Variants in KANK1 observed in about 807,000 individuals in gnomAD.
The protein encoded by KANK1 is KN motif and ankyrin repeat domain-containing protein 1.
KANK1 carries 109 observed loss-of-function variants against 106.2 expected under a neutral mutation model. That is an observed-to-expected ratio of 1.03 (90% CI 0.88 to 1.20). KANK1 has a LOEUF of 1.20. KANK1 is among the 50% of genes most tolerant of loss of function. The probability of loss-of-function intolerance (pLI) is 0.00; values close to 1 mark genes in which losing one functional copy is unlikely to be tolerated. For missense variants in KANK1, 2,399 were observed against 1,710.7 expected, an observed-to-expected ratio of 1.40 and a Z score of -7.10; for synonymous variants, 873 against 652.2, an observed-to-expected ratio of 1.34 and a Z score of -5.16.
At chr9:632,716 G>A (rs555898188) in intron 1 of KANK1, among the ~76,000 whole-genome samples, 10 of 152,106 alleles carry the variant, frequency 6.6e-5, no homozygotes, top group Non-Finnish European at 1.0e-4. Flanking sequence ...TTGAGATGGA[G>A]TCTCTCTCTG....
intron 1 of KANK1, among the ~76,000 whole-genome samples, chr9:568,256 C>T (rs917716263): frequency 7.2e-5 from 11 of 152,126 alleles, no homozygotes; most frequent in African/African-American, 2.7e-4. Flanking sequence ...TAGTCCCTTC[C>T]ATTCATTTTT....
At chr9:580,458 T>G (rs2135260218) in intron 1 of KANK1, among the ~76,000 whole-genome samples, 1 of 152,084 alleles carries the variant, frequency 6.6e-6, no homozygotes, top group African/African-American at 2.4e-5. Context: ...CCACATCCTG[T>G]TGATTGGTCA....
At chr9:563,993 C>T (rs1224662114) in intron 1 of KANK1, among the ~76,000 whole-genome samples, 3 of 151,874 alleles carry the variant, frequency 2.0e-5, no homozygotes, top group Non-Finnish European at 4.4e-5. Flanking sequence ...CTTTGTCTTA[C>T]TTAGTCTTTG....
At chr9:582,311 G>A (rs1297744798) in intron 1 of KANK1, among the ~76,000 whole-genome samples, 2 of 152,112 alleles carry the variant, frequency 1.3e-5, no homozygotes, top group South Asian at 4.2e-4. Context: ...TTGTTGTTTG[G>A]CTGTTTCCAA....
At chr9:603,725 G>A in intron 1 of KANK1, among the ~76,000 whole-genome samples, 1 of 151,608 alleles carries the variant, frequency 6.6e-6, no homozygotes, top group East Asian at 1.9e-4. Flanking sequence ...GGAGGTCGAG[G>A]CGGGCGGATC....
intron 2 of KANK1, among the ~76,000 whole-genome samples, chr9:683,357 G>A (rs987473600): frequency 6.6e-6 from 1 of 152,146 alleles, no homozygotes; most frequent in African/African-American, 2.4e-5. Flanking sequence ...AAACACATAG[G>A]TAGGAGCCTG....
chr9:589,773 T>C (rs192460670), intron 1 of KANK1, among the ~76,000 whole-genome samples: 4 of 152,022 alleles, frequency 2.6e-5, no homozygotes, highest in Admixed American at 1.3e-4. Context: ...AGAGTAAAAG[T>C]GGTAGGTTTG....
At chr9:648,669 C>CGGTT (rs1840247508) in intron 1 of KANK1, among the ~76,000 whole-genome samples, 1 of 152,174 alleles carries the variant, frequency 6.6e-6, no homozygotes, top group Non-Finnish European at 1.5e-5. Context: ...GTTGCAGAAT[C>CGGTT]GCAGGCCAAG....
intron 2 of KANK1, among the ~76,000 whole-genome samples, chr9:683,762 T>A (rs747774765): frequency 1.3e-5 from 2 of 152,210 alleles, no homozygotes; most frequent in Non-Finnish European, 2.9e-5. Context: ...CATATTGTTA[T>A]TCCTTTATTT....
chr9:520,066 G>A (rs966058935), intron 1 of KANK1, among the ~76,000 whole-genome samples: 9 of 151,692 alleles, frequency 5.9e-5, no homozygotes, highest in Non-Finnish European at 8.8e-5. Context: ...AGCCGGGTGC[G>A]GTGGCTCACA....
intron 1 of KANK1, among the ~76,000 whole-genome samples, chr9:622,975 AAAG>A (rs999205063): frequency 5.9e-5 from 9 of 152,156 alleles, no homozygotes; most frequent in African/African-American, 2.2e-4. Flanking sequence ...ACAGGGGAAA[AAAG>A]CTTCTTGACA....
intron 1 of KANK1, among the ~76,000 whole-genome samples, chr9:515,814 G>A (rs1335498660): frequency 2.0e-5 from 3 of 151,818 alleles, no homozygotes; most frequent in African/African-American, 7.3e-5. Flanking sequence ...TTCGATGGCA[G>A]TGCTGTTAAG....
intron 1 of KANK1, among the ~76,000 whole-genome samples, chr9:646,276 C>T (rs1209173943): frequency 1.3e-5 from 2 of 150,714 alleles, no homozygotes; most frequent in South Asian, 4.2e-4. Context: ...GCTAGAGGAT[C>T]ACTTGAGGCC....
chr9:698,603 G>A (rs569027432), intron 2 of KANK1, among the ~76,000 whole-genome samples: 5 of 152,270 alleles, frequency 3.3e-5, no homozygotes, highest in South Asian at 2.1e-4. Flanking sequence ...AGTTTCCTCC[G>A]AAGTATTAGG....
chr9:692,370 C>A (rs1469051394), intron 2 of KANK1, among the ~76,000 whole-genome samples: 2 of 152,036 alleles, frequency 1.3e-5, no homozygotes, highest in Non-Finnish European at 2.9e-5. Context: ...CCAAATAAAC[C>A]AACAGATTAA....
intron 1 of KANK1, among the ~76,000 whole-genome samples, chr9:522,559 G>A (rs1371448224): frequency 6.6e-6 from 1 of 151,752 alleles, no homozygotes; most frequent in Non-Finnish European, 1.5e-5. Context: ...GAGGAAGGGG[G>A]TCCTGGTGTA....
intron 1 of KANK1, among the ~76,000 whole-genome samples, chr9:519,220 T>A (rs2059439099): frequency 6.6e-6 from 1 of 151,672 alleles, no homozygotes; most frequent in South Asian, 2.1e-4. Context: ...ACCTTATAAT[T>A]GTGTCTTTTC....
chr9:611,272 C>T (rs965162869), intron 1 of KANK1, among the ~76,000 whole-genome samples: 1 of 152,190 alleles, frequency 6.6e-6, no homozygotes, highest in African/African-American at 2.4e-5. Context: ...AAGTCACAGA[C>T]AATTGTCACT....
At chr9:635,068 C>G (rs565947907) in intron 1 of KANK1, among the ~76,000 whole-genome samples, 3 of 152,252 alleles carry the variant, frequency 2.0e-5, no homozygotes, top group African/African-American at 7.2e-5. Context: ...CCTTTACAAA[C>G]CAATCACAGG....
Sources: allele counts gnomAD v4.1 joint callset (sites outside exome capture counted in the v4.1 genomes callset), GRCh38; gene constraint gnomAD v4.1.1; transcripts MANE v1.5; gene names NCBI Gene and HGNC (gene_info 2026-07-23, HGNC 2026-07-21).